Variants in SIPA1L3 observed in about 807,000 individuals in gnomAD.
SIPA1L3 encodes signal induced proliferation associated 1 like 3, also known as signal-induced proliferation-associated 1-like protein 3.
SIPA1L3 carries 59 observed loss-of-function variants against 150.1 expected under a neutral mutation model. That is an observed-to-expected ratio of 0.39 (90% confidence interval 0.32 to 0.49). SIPA1L3 has a LOEUF of 0.49. Among genes scored for constraint, SIPA1L3 ranks in the 20% least tolerant of loss-of-function variants. SIPA1L3 has a pLI of 0.86. For missense variants in SIPA1L3, 2,211 were observed against 2,489.5 expected, an observed-to-expected ratio of 0.89 and a Z score of 2.38; for synonymous variants, 1,070 against 1,077.6, an observed-to-expected ratio of 0.99 and a Z score of 0.14.
intron 2 of SIPA1L3, among the ~76,000 whole-genome samples, chr19:38,049,351 T>A (rs1030836990): frequency 3.9e-5 from 6 of 152,174 alleles, no homozygotes; most frequent in African/African-American, 1.4e-4. Flanking sequence ...GCTCTGTATC[T>A]CATTCTTTCG....
In SIPA1L3 at chr19:38,082,868, G is replaced by C; in HGVS notation, c.1303G>C (p.Gly435Arg). The change falls in exon 3 of 22, where the codon GGG becomes CGG. Residue 435 changes from glycine (G) to arginine (R), a missense_variant. By Grantham distance (125) the Gly-to-Arg change is moderately radical. This residue lies in a region of SIPA1L3 where 587 missense variants were observed against 534.5 expected (regional missense o/e 1.10). Coordinates refer to ENST00000222345, the MANE Select transcript of SIPA1L3 (RefSeq NM_015073.3). The part of the protein sequence containing the change: ...LSCPHFRNEI[G>R]GECERNVSFS... The stretch of plus-strand genomic sequence containing the variant: ...CTGCCCGCACTTCCGCAATGAGATC[G>C]GGGGCGAGTGTGAGCGCAACGTGAG... The C allele has an allele frequency of 6.2e-7, 1 of 1,613,566 alleles. No individual in the cohort carries two copies. Among genetic ancestry groups the C allele is most frequent in the Middle Eastern group, 1.6e-4 (1 of 6,062 alleles).
At chr19:38,137,875 A>G (rs1207193548) in intron 10 of SIPA1L3, among the ~76,000 whole-genome samples, 1 of 152,110 alleles carries the variant, frequency 6.6e-6, no homozygotes, top group Non-Finnish European at 1.5e-5. Context: ...TCATGTCTGT[A>G]ATCCCAACAC....
At chr19:38,145,308 G>C (rs1049831642) in intron 12 of SIPA1L3, among the ~76,000 whole-genome samples, 1 of 152,046 alleles carries the variant, frequency 6.6e-6, no homozygotes, top group African/African-American at 2.4e-5. Context: ...GAGATCGGTG[G>C]ATCATCTGAG....
In SIPA1L3 at chr19:38,082,343, G is replaced by C. The variant is rs761434202; in HGVS notation, c.778G>C (p.Asp260His). The C allele has an allele frequency of 6.3e-7, 1 of 1,598,718 alleles. No homozygotes were observed. The highest frequency in any genetic ancestry group is 8.5e-7 in the Non-Finnish European group (1 of 1,178,966). Residue 260 changes from aspartate to histidine, a missense_variant, in exon 3 of 22, where the codon GAC becomes CAC. Asp to His is a moderately conservative substitution (Grantham distance 81). Around this residue, in one of 5 missense-constraint regions of SIPA1L3, gnomAD observed 587 missense variants for 534.5 expected, o/e 1.10. Transcript: ENST00000222345. ...GGGGGGCGGCGGCGGAGCCAAGGGG[G>C]ACTCCCACAACGGGCAGCCCGCCAA... ...LMGGGGGAKG[D>H]SHNGQPAKDS...
chr19:38,123,877 GC>G (rs1476418702), intron 9 of SIPA1L3, among the ~76,000 whole-genome samples: 5 of 129,870 alleles, frequency 3.9e-5, no homozygotes, highest in Non-Finnish European at 6.5e-5. Flanking sequence ...GGACAGGGCG[GC>G]TGGCCGGGCA....
At chr19:38,037,410 T>C (rs754380613) in intron 2 of SIPA1L3, among the ~76,000 whole-genome samples, 5 of 152,098 alleles carry the variant, frequency 3.3e-5, no homozygotes, top group Admixed American at 6.6e-5. Flanking sequence ...GGGAAGGAGC[T>C]TGACTCTGCG....
At chr19:38,059,836 G>A (rs1423593722) in intron 2 of SIPA1L3, among the ~76,000 whole-genome samples, 4 of 151,896 alleles carry the variant, frequency 2.6e-5, no homozygotes, top group African/African-American at 4.8e-5. Context: ...GAGTGCAGTA[G>A]TGCAATCTCC....
At chr19:38,172,634 G>A (rs1038854603) in intron 15 of SIPA1L3, among the ~76,000 whole-genome samples, 6 of 152,176 alleles carry the variant, frequency 3.9e-5, no homozygotes, top group African/African-American at 1.4e-4. Context: ...AAATGGTCAG[G>A]TGGCCAGAGG....
Position 38,151,196 on chromosome 19 carries a change from G to A in SIPA1L3, c.3534-1644G>A, listed in dbSNP as rs1013776728. On this transcript the variant is annotated intron_variant, in intron 12 of 21. Transcript: ENST00000222345. ...TCTTGTCATCCCTCTTAGGAGCAAGGAGATTTCCCAGAAGCCTCTGGGCAG... is the reference window on the plus strand; with the variant it reads ...TCTTGTCATCCCTCTTAGGAGCAAGAAGATTTCCCAGAAGCCTCTGGGCAG... Among the ~76,000 whole-genome samples the A allele has an allele frequency of 2.6e-5, 4 of 152,316 alleles. No individual in the cohort carries two copies. In the South Asian group the frequency reaches 6.2e-4, roughly 24 times the overall value.
chr19:38,196,188 A>T (rs1043473288), intron 18 of SIPA1L3, among the ~76,000 whole-genome samples: 9 of 152,270 alleles, frequency 5.9e-5, no homozygotes, highest in Non-Finnish European at 8.8e-5. Flanking sequence ...AGTGCCCTCC[A>T]CACCAAGGAG....
chr19:37,954,734 C>G (rs986671541), intron 1 of SIPA1L3, among the ~76,000 whole-genome samples: 4 of 152,108 alleles, frequency 2.6e-5, no homozygotes, highest in Non-Finnish European at 4.4e-5. Context: ...GAAGTTGTCA[C>G]CACCACCGCC....
intron 2 of SIPA1L3, among the ~76,000 whole-genome samples, chr19:38,033,581 G>A (rs1337493576): frequency 5.3e-5 from 8 of 152,206 alleles, no homozygotes; most frequent in South Asian, 2.1e-4. Flanking sequence ...CCAGGAACTC[G>A]GACGGCTATG....
chr19:37,990,500 C>T (rs1967476671), intron 1 of SIPA1L3, among the ~76,000 whole-genome samples: 1 of 152,180 alleles, frequency 6.6e-6, no homozygotes, highest in Non-Finnish European at 1.5e-5. Context: ...TCAGAGCGCT[C>T]TCTTCTGGCT....
intron 7 of SIPA1L3, among the ~76,000 whole-genome samples, 167 bp downstream of exon 7, chr19:38,106,807 C>T (rs535549300): frequency 2.0e-5 from 3 of 152,324 alleles, no homozygotes; most frequent in Non-Finnish European, 4.4e-5. Flanking sequence ...AGGTGTGGTT[C>T]GAGATGTCAC....
At chr19:37,986,891 A>G (rs918074809) in intron 1 of SIPA1L3, among the ~76,000 whole-genome samples, 2 of 152,072 alleles carry the variant, frequency 1.3e-5, no homozygotes, top group Admixed American at 6.6e-5. Context: ...GCAGGTTCTC[A>G]TTCATCTGGT....
At chr19:38,104,951 C>T (rs185821276) in intron 6 of SIPA1L3, among the ~76,000 whole-genome samples, 1 of 152,084 alleles carries the variant, frequency 6.6e-6, no homozygotes, top group Non-Finnish European at 1.5e-5. Context: ...CAAGAATGGC[C>T]CTGGCTTGAG....
intron 2 of SIPA1L3, among the ~76,000 whole-genome samples, chr19:38,079,344 G>A (rs1969925420): frequency 1.3e-5 from 2 of 152,288 alleles, no homozygotes; most frequent in East Asian, 1.9e-4. Context: ...ACTGTTCTAG[G>A]CACTGGGAAT....
chr19:37,951,674 G>A (rs1345098784), intron 1 of SIPA1L3, among the ~76,000 whole-genome samples: 1 of 151,808 alleles, frequency 6.6e-6, no homozygotes, highest in Non-Finnish European at 1.5e-5. Context: ...TGAGGTGGGC[G>A]GATCACGAGG....
chr19:38,040,765 A>C, intron 2 of SIPA1L3, among the ~76,000 whole-genome samples: 1 of 152,174 alleles, frequency 6.6e-6, no homozygotes, highest in East Asian at 1.9e-4. Context: ...ATTTGTCCCT[A>C]TCTTGCTTTT....
Sources: gnomAD v4.1 joint callset for allele counts (sites outside exome capture counted in the v4.1 genomes callset) on GRCh38, gnomAD v4.1.1 for gene constraint, gnomAD v4.1.1 regional missense constraint, MANE v1.5 for transcripts, NCBI Gene and HGNC (gene_info 2026-07-23, HGNC 2026-07-21) for gene names.